Variants in DMTF1 observed in about 807,000 individuals in gnomAD.
DMTF1 encodes cyclin-D-binding Myb-like transcription factor 1.
DMTF1 carries 39 observed loss-of-function variants against 91.1 expected under a neutral mutation model. That is an observed-to-expected ratio of 0.43 (90% CI 0.33 to 0.56). The LOEUF (loss-of-function observed/expected upper bound fraction) is 0.56. DMTF1 is among the 20% of genes least tolerant of loss of function. The pLI is 0.05. For missense variants in DMTF1, 750 were observed against 914.5 expected (o/e 0.82, Z 2.32); for synonymous variants, 338 against 309.5 (o/e 1.09, Z -0.97).
chr7:87,186,987 G>A (rs896903847), intron 12 of DMTF1: 1 of 152,118 alleles, frequency 6.6e-6, no homozygotes, highest in African/African-American at 2.4e-5. Flanking sequence ...TGATAATTTT[G>A]TAGAACAAAG....
intron 4 of DMTF1, among the ~76,000 whole-genome samples, chr7:87,167,151 C>T (rs1485988373): frequency 4.6e-5 from 7 of 152,192 alleles, no homozygotes. Flanking sequence ...GTAATACATA[C>T]TCTTAACCCC....
In DMTF1 at chr7:87,173,196, AT is replaced by A. The variant is rs142045231; in HGVS notation, c.328-336del. Among the ~76,000 whole-genome samples, 279 of 152,232 alleles carry A rather than the reference AT, an allele frequency of 1.8e-3. 1 individual carries two copies. Among genetic ancestry groups the A allele is most frequent in the African/African-American group, 6.0e-3 (251 of 41,540 alleles). ...CTCATTTACATGTGTAAATATTTAA[AT>A]TTCCCTGAATATTCTATGTTGATTT... On this transcript the variant is annotated intron_variant, in intron 5 of 17. Transcript: ENST00000331242.
intron 5 of DMTF1, 91 bp from the exon 6 acceptor site, chr7:87,173,444 A>G (rs1229251985): frequency 2.9e-6 from 2 of 690,102 alleles, no homozygotes; most frequent in Non-Finnish European, 4.8e-6. Flanking sequence ...AATGCTTAGC[A>G]TTACAAAGAT....
chr7:87,188,938 T>C (rs1799109414), intron 13 of DMTF1, among the ~76,000 whole-genome samples: 1 of 152,184 alleles, frequency 6.6e-6, no homozygotes, highest in Non-Finnish European at 1.5e-5. Context: ...GGAATGAGGA[T>C]GAAATTCTCA....
chr7:87,175,465 T>C (rs1421360258), intron 7 of DMTF1, among the ~76,000 whole-genome samples: 8 of 152,232 alleles, frequency 5.3e-5, no homozygotes, highest in Non-Finnish European at 7.3e-5. Context: ...ACACAGTATT[T>C]TTAAGGCTTT....
chr7:87,170,081 CTA>C (rs989273062), intron 4 of DMTF1, among the ~76,000 whole-genome samples: 73 of 152,294 alleles, frequency 4.8e-4, no homozygotes, highest in African/African-American at 1.7e-3. Context: ...TCTTCTCCTA[CTA>C]ATTAGTAGCA....
chr7:87,184,587 T>G lies in DMTF1; in HGVS notation c.1011T>G (p.Thr337=). ...TGAATTGGAAACAGAGTGGGGGTAC[T>G]GAATGGACCAAGGAAGATGAAATCA... ...NYLNWKQSGG[T]EWTKEDEINL... The change falls in exon 11 of 18, where the codon ACT becomes ACG. Residue 337 remains threonine, a synonymous_variant. Coordinates refer to ENST00000331242, the MANE Select transcript of DMTF1 (RefSeq NM_001142327.2). 1 of 1,613,964 alleles carries G rather than the reference T, an allele frequency of 6.2e-7. No homozygotes were observed. Among genetic ancestry groups the G allele is most frequent in the Non-Finnish European group, 8.5e-7 (1 of 1,179,916 alleles).
intron 3 of DMTF1, 53 bp from the exon 4 acceptor site, chr7:87,166,430 T>A: frequency 1.9e-6 from 3 of 1,566,896 alleles, no homozygotes; most frequent in Middle Eastern, 3.4e-4. Flanking sequence ...TGTTAGAGAT[T>A]TTATTTTCCC....
At chr7:87,181,373 AT>A (rs1329618523) in intron 9 of DMTF1, 32 bp downstream of exon 9, 3 of 1,081,448 alleles carry the variant, frequency 2.8e-6, no homozygotes, top group South Asian at 1.4e-5. Context: ...ATTAATTCTA[AT>A]TTTTTATGTC....
Position 87,184,532 on chromosome 7 carries a change from A to T in DMTF1, c.956A>T (p.Lys319Met). The T allele has an allele frequency of 6.2e-7, 1 of 1,614,044 alleles. No homozygotes were observed. The highest frequency in any genetic ancestry group is 1.1e-5 in the South Asian group (1 of 91,090). The change falls in exon 11 of 18, where the codon AAG (lysine) becomes ATG (methionine). Residue 319 changes from lysine to methionine, a missense_variant. This residue lies in a region of DMTF1 where 190 missense variants were observed against 343.8 expected (regional missense o/e 0.55). Coordinates refer to ENST00000331242, the MANE Select transcript of DMTF1 (RefSeq NM_001142327.2). Reference sequence around the variant, plus strand: ...GAACGAGTCGGTACCCGCTCAGAAAAGCAATGTCGTTCTAAATGGCTCAAC... The same window carrying T: ...GAACGAGTCGGTACCCGCTCAGAAATGCAATGTCGTTCTAAATGGCTCAAC... ...VAERVGTRSEKQCRSKWLNYL... is the reference protein window; with the variant it reads ...VAERVGTRSEMQCRSKWLNYL...
At chr7:87,164,797 T>A (rs1584248061) in intron 2 of DMTF1, 137 bp from the exon 3 acceptor site, 2 of 426,902 alleles carry the variant, frequency 4.7e-6, no homozygotes, top group Non-Finnish European at 8.2e-6. Flanking sequence ...ATCTGAACTC[T>A]CATTGCAGTT....
intron 16 of DMTF1, 33 bp from the exon 17 acceptor site, chr7:87,194,651 A>ATGAG (rs1310238063): frequency 6.6e-7 from 1 of 1,518,524 alleles, no homozygotes; most frequent in Non-Finnish European, 9.1e-7. Flanking sequence ...TAGTAAGAAT[A>ATGAG]TGAGTCAATA....
intron 4 of DMTF1, among the ~76,000 whole-genome samples, chr7:87,168,487 T>A (rs1360924180): frequency 6.6e-6 from 1 of 152,204 alleles, no homozygotes; most frequent in Non-Finnish European, 1.5e-5. Context: ...TTTGCCTCAC[T>A]GGGCCCCATT....
intron 4 of DMTF1, among the ~76,000 whole-genome samples, chr7:87,168,424 C>T (rs925320907): frequency 2.6e-5 from 4 of 152,086 alleles, no homozygotes; most frequent in South Asian, 2.1e-4. Context: ...GTTTTCCTAC[C>T]GCTACTTCTG....
intron 13 of DMTF1, among the ~76,000 whole-genome samples, chr7:87,190,368 A>G (rs1022343391): frequency 4.6e-5 from 7 of 152,198 alleles, no homozygotes; most frequent in African/African-American, 1.7e-4. Flanking sequence ...TTATACTGCT[A>G]GGAAGTGATT....
chr7:87,171,708 C>T (rs1795107611), intron 5 of DMTF1, among the ~76,000 whole-genome samples: 1 of 152,060 alleles, frequency 6.6e-6, no homozygotes, highest in Non-Finnish European at 1.5e-5. Context: ...CAACAGCATA[C>T]TAAATAAAGC....
chr7:87,165,458 A>T (rs1019705487), intron 3 of DMTF1, among the ~76,000 whole-genome samples: 8 of 152,106 alleles, frequency 5.3e-5, no homozygotes, highest in Admixed American at 2.6e-4. Flanking sequence ...ATAGCTTTCC[A>T]GCTGATAATT....
intron 4 of DMTF1, 62 bp downstream of exon 4, chr7:87,166,667 G>T: frequency 6.5e-7 from 1 of 1,536,956 alleles, no homozygotes; most frequent in Non-Finnish European, 8.9e-7. Flanking sequence ...TAGCTTCCAA[G>T]GCTTTCAGTT....
chr7:87,174,944 T>C (rs1387212449), intron 7 of DMTF1, among the ~76,000 whole-genome samples: 1 of 152,176 alleles, frequency 6.6e-6, no homozygotes, highest in East Asian at 1.9e-4. Context: ...AAGCCTTATC[T>C]TTTCAAGAAG....
Sources: gnomAD v4.1 joint callset for allele counts (sites outside exome capture counted in the v4.1 genomes callset) on GRCh38, gnomAD v4.1.1 for gene constraint, gnomAD v4.1.1 regional missense constraint, MANE v1.5 for transcripts, NCBI Gene and HGNC (gene_info 2026-07-23, HGNC 2026-07-21) for gene names.